CCDC171: variants seen among roughly 807,000 people sequenced by gnomAD.
The protein encoded by CCDC171 is coiled-coil domain containing 171, also known as coiled-coil domain-containing protein 171.
A neutral mutation model predicts 168.2 loss-of-function variants in CCDC171; 177 were observed. That is an observed-to-expected ratio of 1.05 (90% CI 0.93 to 1.19). CCDC171 has a LOEUF of 1.19. Among genes scored for constraint, CCDC171 ranks in the 50% most tolerant of loss-of-function variants. The pLI is 0.00. For synonymous variants in CCDC171, 687 were observed against 540.8 expected, an observed-to-expected ratio of 1.27 and a Z score of -3.75; for missense variants, 1,991 against 1,539.0, an observed-to-expected ratio of 1.29 and a Z score of -4.91.
At chr9:15,804,044 T>C (rs1445698090) in intron 21 of CCDC171, among the ~76,000 whole-genome samples, 2 of 152,132 alleles carry the variant, frequency 1.3e-5, no homozygotes, top group African/African-American at 4.8e-5. Flanking sequence ...TGCCTGTTGG[T>C]GTATGGGAAT....
At chr9:15,715,168 T>C (rs954697735) in intron 11 of CCDC171, among the ~76,000 whole-genome samples, 1 of 152,210 alleles carries the variant, frequency 6.6e-6, no homozygotes, top group African/African-American at 2.4e-5. Flanking sequence ...TACTAATATA[T>C]TTCTCAAGCT....
chr9:15,905,838 G>A (rs1189962007), intron 24 of CCDC171, among the ~76,000 whole-genome samples: 1 of 152,048 alleles, frequency 6.6e-6, no homozygotes, highest in Non-Finnish European at 1.5e-5. Context: ...TGATAAAGGG[G>A]ATATCACCAC....
chr9:15,935,094 G>A (rs749217454), intron 25 of CCDC171, among the ~76,000 whole-genome samples: 3 of 152,058 alleles, frequency 2.0e-5, no homozygotes, highest in East Asian at 3.9e-4. Flanking sequence ...TGGTGATGGT[G>A]GCACAATGTT....
At chr9:15,842,474 T>C (rs938971957) in intron 21 of CCDC171, among the ~76,000 whole-genome samples, 6 of 152,088 alleles carry the variant, frequency 3.9e-5, no homozygotes, top group Non-Finnish European at 5.9e-5. Flanking sequence ...ATTTCAAAAA[T>C]CATTTCTAAA....
In CCDC171 at chr9:15,821,760, A is replaced by T. The variant is rs1321938261; in HGVS notation, c.3268-24942A>T. 1.4e-4 allele frequency among the ~76,000 whole-genome samples: 16 copies of T among 117,016 alleles called. 5 individuals carry two copies. The highest frequency in any genetic ancestry group is 4.5e-4 in the African/African-American group (14 of 30,946). 76.8% of individuals were successfully genotyped at this position (117,016 alleles called of 152,430 possible). The stretch of plus-strand genomic sequence containing the variant: ...TATCGTGAAAATGGCCATACTGCCC[A>T]AGGTAATTTATACATTCAATGCCAT... On this transcript the variant is annotated intron_variant, in intron 21 of 25. Coordinates refer to ENST00000380701, the MANE Select transcript of CCDC171 (RefSeq NM_173550.4).
chr9:15,824,869 A>C (rs1372760048), intron 21 of CCDC171, among the ~76,000 whole-genome samples: 1 of 152,066 alleles, frequency 6.6e-6, no homozygotes, highest in Non-Finnish European at 1.5e-5. Flanking sequence ...ACTATTATGA[A>C]GGGGTCATTA....
chr9:15,777,981 A>G (rs915703229), intron 19 of CCDC171, among the ~76,000 whole-genome samples, 155 bp downstream of exon 19: 2 of 152,208 alleles, frequency 1.3e-5, no homozygotes, highest in African/African-American at 4.8e-5. Context: ...TTACTTCCAA[A>G]TAAGTGTCCA....
intron 16 of CCDC171, among the ~76,000 whole-genome samples, chr9:15,742,833 C>T (rs375564282): frequency 6.6e-6 from 1 of 151,768 alleles, no homozygotes; most frequent in Non-Finnish European, 1.5e-5. Flanking sequence ...GAAACAGGGT[C>T]TTGCACTGTC....
intron 1 of CCDC171, among the ~76,000 whole-genome samples, chr9:15,557,179 C>T (rs771451528): frequency 9.3e-4 from 141 of 152,224 alleles, no homozygotes; most frequent in Non-Finnish European, 1.6e-3. Flanking sequence ...TAGTGTGATG[C>T]CTCCAGCTTT....
At chr9:15,910,630 T>G (rs1213963532) in intron 24 of CCDC171, among the ~76,000 whole-genome samples, 1 of 152,082 alleles carries the variant, frequency 6.6e-6, no homozygotes. Flanking sequence ...CTGTGCCATG[T>G]TGGTTTGCTA....
chr9:15,723,048 TTTG>T lies in CCDC171; in HGVS notation c.1426-628_1426-626del, dbSNP rs141031126. Among the ~76,000 whole-genome samples the T allele has an allele frequency of 5.3e-4, 80 of 152,278 alleles. 2 individuals carry two copies. The East Asian group carries it at 7.3e-3, about 14-fold the overall frequency. ...AGCAGGCTTTGGCTTAGTAATGCGCTTTGTTGTGAACCAGTGCCAGAGACAGCA... is the reference window on the plus strand; with the variant it reads ...AGCAGGCTTTGGCTTAGTAATGCGCTTTGTGAACCAGTGCCAGAGACAGCA... On this transcript the variant is annotated intron_variant, in intron 12 of 25. Transcript: ENST00000380701.
chr9:15,865,936 T>C (rs1219762817), intron 23 of CCDC171, among the ~76,000 whole-genome samples: 2 of 151,812 alleles, frequency 1.3e-5, no homozygotes, highest in African/African-American at 2.4e-5. Flanking sequence ...AACTCAGGGA[T>C]TGCCTGGAGT....
chr9:15,985,724 ATTTAT>A (rs1415617130), intron 3 of CCDC171, among the ~76,000 whole-genome samples: 1 of 152,212 alleles, frequency 6.6e-6, no homozygotes, highest in Non-Finnish European at 1.5e-5. Flanking sequence ...ATAATTCAGT[ATTTAT>A]TTATTATTTA....
downstream of CCDC171, among the ~76,000 whole-genome samples, chr9:15,977,451 C>T (rs1831659044): frequency 1.3e-5 from 2 of 152,162 alleles, no homozygotes; most frequent in Non-Finnish European, 2.9e-5. Context: ...AGTTTTGCTC[C>T]TTCCTCTAAA....
At chr9:15,598,057 T>G (rs1293110101) in intron 6 of CCDC171, among the ~76,000 whole-genome samples, 5 of 152,124 alleles carry the variant, frequency 3.3e-5, no homozygotes, top group Admixed American at 3.3e-4. Context: ...TGATTAGTCT[T>G]GCTAGCGGTC....
intron 23 of CCDC171, among the ~76,000 whole-genome samples, chr9:15,860,750 G>A (rs76265886): frequency 0.016 from 2,403 of 151,996 alleles, 88 homozygotes; most frequent in African/African-American, 0.055. Flanking sequence ...AACGGTCTAC[G>A]TATGTTCATT....
At chr9:15,733,084 A>C (rs1264102887) in intron 16 of CCDC171, among the ~76,000 whole-genome samples, 1 of 152,024 alleles carries the variant, frequency 6.6e-6, no homozygotes, top group Non-Finnish European at 1.5e-5. Flanking sequence ...TCATTTATTT[A>C]TGTGTTTATT....
At chr9:15,674,558 T>C (rs1349226550) in intron 9 of CCDC171, among the ~76,000 whole-genome samples, 1 of 152,246 alleles carries the variant, frequency 6.6e-6, no homozygotes, top group Non-Finnish European at 1.5e-5. Context: ...TGGTATGTTG[T>C]GTCTTTGTTC....
intron 16 of CCDC171, among the ~76,000 whole-genome samples, chr9:15,743,356 G>T (rs2055028307): frequency 6.6e-6 from 1 of 151,402 alleles, no homozygotes; most frequent in Non-Finnish European, 1.5e-5. Flanking sequence ...TTTATTTGTG[G>T]AGATGGGGTC....
Sources: gnomAD v4.1 joint callset for allele counts (sites outside exome capture counted in the v4.1 genomes callset) on GRCh38, gnomAD v4.1.1 for gene constraint, MANE v1.5 for transcripts, NCBI Gene and HGNC (gene_info 2026-07-23, HGNC 2026-07-21) for gene names.